CFAP97D2: variants seen among roughly 807,000 people sequenced by gnomAD.
CFAP97D2 encodes CFAP97 domain containing 2.
At chr13:114,221,555 T>G (rs2081022229) in intron 4 of CFAP97D2, among the ~76,000 whole-genome samples, 1 of 152,228 alleles carries the variant, frequency 6.6e-6, no homozygotes, top group Admixed American at 6.5e-5. Context: ...AGATGTCACT[T>G]GCAGCCACTA....
intron 4 of CFAP97D2, among the ~76,000 whole-genome samples, chr13:114,217,050 A>G (rs1477227838): frequency 6.6e-6 from 1 of 152,142 alleles, no homozygotes; most frequent in Non-Finnish European, 1.5e-5. Context: ...AGTGATGGTG[A>G]GCATTTTTTC....
chr13:114,205,413 G>A (rs981800046), intron 3 of CFAP97D2, among the ~76,000 whole-genome samples: 8 of 152,186 alleles, frequency 5.3e-5, no homozygotes, highest in African/African-American at 1.4e-4. Flanking sequence ...CTTATATTCT[G>A]CAACCTTGTT....
chr13:114,182,419 A>G (rs909790884), intron 1 of CFAP97D2, among the ~76,000 whole-genome samples: 10 of 151,954 alleles, frequency 6.6e-5, no homozygotes, highest in African/African-American at 1.9e-4. Context: ...GGCAGGAGAC[A>G]GTGGCCTTCC....
intron 4 of CFAP97D2, chr13:114,212,316 C>G: frequency 2.7e-6 from 1 of 374,164 alleles, no homozygotes; most frequent in Non-Finnish European, 4.7e-6. Context: ...CGCATTTGTT[C>G]ACGAAGTTGA....
chr13:114,190,992 C>T (rs1334291074), intron 1 of CFAP97D2, among the ~76,000 whole-genome samples: 1 of 152,166 alleles, frequency 6.6e-6, no homozygotes, highest in Non-Finnish European at 1.5e-5. Flanking sequence ...ACAGCCTTTT[C>T]ACAAATGGTG....
At position 114,179,598 on chromosome 13, in the gene CFAP97D2, A is replaced by T. The variant is rs1220285806; in HGVS notation, c.90+178A>T. ...TATGTTGCCATACAATAAAAATCTC[A>T]TTAAATAGTTGACGGCTTTCTTTCT... On this transcript the variant is annotated intron_variant, in intron 1 of 4. Transcript: ENST00000646158. This position sits in a 1 kb window ranked among gnomAD's most constrained non-coding sequence, Gnocchi z 4.8. 6.6e-6 allele frequency among the ~76,000 whole-genome samples: 1 copy of T among 151,860 alleles called. No homozygotes were observed. The highest frequency in any genetic ancestry group is 1.5e-5 in the Non-Finnish European group (1 of 67,976).
intron 1 of CFAP97D2, among the ~76,000 whole-genome samples, chr13:114,195,036 C>T (rs559237728): frequency 9.8e-5 from 15 of 152,302 alleles, no homozygotes; most frequent in African/African-American, 3.6e-4. Flanking sequence ...TCATGCCTTC[C>T]TTTCCCTTCA....
rs74116823 is a variant in CFAP97D2, at chr13:114,200,141, G to C, written c.172-184G>C. Reference sequence around the variant, plus strand: ...CGTAACAGGGCGTCCCCTCGCGTACGGTCCCTGCTGAGGCGTGACAGTGGG... The same window carrying C: ...CGTAACAGGGCGTCCCCTCGCGTACCGTCCCTGCTGAGGCGTGACAGTGGG... On this transcript the variant is annotated intron_variant, in intron 2 of 4. Transcript: ENST00000646158. Among the ~76,000 whole-genome samples the C allele has an allele frequency of 7.8e-3, 1,132 of 144,758 alleles. 12 individuals carry two copies. Among genetic ancestry groups the C allele is most frequent in the African/African-American group, 0.023 (836 of 36,956 alleles). The allele number at this position is 144,758 out of a possible 152,430, so 95.0% of individuals were successfully genotyped here. A position where few individuals can be genotyped will look rare whatever the true frequency, so the allele number is the denominator to read the frequency against.
rs2080861144 is a variant in CFAP97D2, at chr13:114,189,227, T to G, written c.91-7169T>G. Reference sequence around the variant, plus strand: ...ATGAACAAATTTATGCCCACAAATTTGATAACCTAAATGAAAAGGGCCAAT... The same window carrying G: ...ATGAACAAATTTATGCCCACAAATTGGATAACCTAAATGAAAAGGGCCAAT... On this transcript the variant is annotated intron_variant, in intron 1 of 4. Transcript: ENST00000646158. This position sits in a 1 kb window ranked among gnomAD's most constrained non-coding sequence, Gnocchi z 4.5. 6.6e-6 allele frequency among the ~76,000 whole-genome samples: 1 copy of G among 152,052 alleles called. No individual in the cohort carries two copies. Among genetic ancestry groups the G allele is most frequent in the Admixed American group, 6.6e-5 (1 of 15,240 alleles).
At chr13:114,213,375 C>T in intron 4 of CFAP97D2, among the ~76,000 whole-genome samples, 1 of 133,318 alleles carries the variant, frequency 7.5e-6, no homozygotes, top group East Asian at 2.4e-4. Flanking sequence ...CACCCCTGCA[C>T]AAGCTCTAGG....
chr13:114,194,587 C>T lies in CFAP97D2; in HGVS notation c.91-1809C>T, dbSNP rs530601018. Among the ~76,000 whole-genome samples, 4 of 152,184 alleles carry T rather than the reference C, an allele frequency of 2.6e-5. No homozygotes were observed. In the South Asian group the frequency reaches 8.3e-4, roughly 32 times the overall value. On this transcript the variant is annotated intron_variant, in intron 1 of 4. Transcript: ENST00000646158. ...ACTAATAAGCACTCTGTTGGGGGCA[C>T]TCATTTCCCCCCCAAGAGCATTCTT...
At chr13:114,218,235 GACAA>G (rs1439167446) in intron 4 of CFAP97D2, among the ~76,000 whole-genome samples, 5 of 152,170 alleles carry the variant, frequency 3.3e-5, no homozygotes, top group African/African-American at 4.8e-5. Flanking sequence ...ACCAATAGCA[GACAA>G]ACAGAGAGCC....
chr13:114,201,701 T>G (rs1461880545), intron 3 of CFAP97D2, among the ~76,000 whole-genome samples: 1 of 152,204 alleles, frequency 6.6e-6, no homozygotes, highest in Non-Finnish European at 1.5e-5. Context: ...TAATGCACAA[T>G]GCTGGAGAGA....
At position 114,211,520 on chromosome 13, in the gene CFAP97D2, C is replaced by T. The variant is rs2080966367; in HGVS notation, c.291-392C>T. Among the ~76,000 whole-genome samples, 1 of 152,078 alleles carries T rather than the reference C, an allele frequency of 6.6e-6. No homozygotes were observed. The highest frequency in any genetic ancestry group is 1.5e-5 in the Non-Finnish European group (1 of 68,016). On this transcript the variant is annotated intron_variant, in intron 3 of 4. Transcript: ENST00000646158. The surrounding 1 kb of genome is among the most constrained non-coding windows in gnomAD (Gnocchi z 4.2). Reference sequence around the variant, plus strand: ...GGTGCTTGCCCTCCCCGCCTGGGACCCTGCTCTCCGCCATGGGTGCCCGGG... The same window carrying T: ...GGTGCTTGCCCTCCCCGCCTGGGACTCTGCTCTCCGCCATGGGTGCCCGGG...
chr13:114,204,183 C>T (rs550239785), intron 3 of CFAP97D2, among the ~76,000 whole-genome samples: 1 of 152,260 alleles, frequency 6.6e-6, no homozygotes, highest in East Asian at 1.9e-4. Context: ...TATGAGGAGA[C>T]CAAGGCTTGC....
chr13:114,179,439 C>T lies in CFAP97D2; in HGVS notation c.90+19C>T. ...GAGAAAGGTAGGAAAGTCCCCAATC[C>T]AGCCCTGACAGCTCAGCGGGCGGGC... On this transcript the variant is annotated intron_variant, in intron 1 of 4. Transcript: ENST00000646158. The surrounding 1 kb of genome is among the most constrained non-coding windows in gnomAD (Gnocchi z 4.8). The T allele has an allele frequency of 2.5e-6, 1 of 398,628 alleles. No homozygotes were observed. Among genetic ancestry groups the T allele is most frequent in the East Asian group, 3.6e-5 (1 of 28,080 alleles). 24.7% of individuals were successfully genotyped at this position (398,628 alleles called of 1,614,324 possible).
intron 1 of CFAP97D2, among the ~76,000 whole-genome samples, chr13:114,188,613 T>C (rs542246582): frequency 1.3e-5 from 2 of 151,614 alleles, no homozygotes; most frequent in South Asian, 4.2e-4. Context: ...CCGTCTCCAC[T>C]AAACATACAA....
At chr13:114,181,993 A>T (rs56156154) in intron 1 of CFAP97D2, among the ~76,000 whole-genome samples, 6 of 152,266 alleles carry the variant, frequency 3.9e-5, no homozygotes, top group Admixed American at 1.3e-4. Context: ...TAAGACACAG[A>T]GACAAAGTAT....
Position 114,185,778 on chromosome 13 carries a change from A to C in CFAP97D2, c.90+6358A>C, listed in dbSNP as rs1223800061. 6.6e-6 allele frequency among the ~76,000 whole-genome samples: 1 copy of C among 152,238 alleles called. No individual in the cohort carries two copies. The highest frequency in any genetic ancestry group is 2.4e-5 in the African/African-American group (1 of 41,456). ...ACCTCAGCCCCCTCCAGATTTGGGC[A>C]CTGACAAGCACAGGAGGGAGGCTGA... On this transcript the variant is annotated intron_variant, in intron 1 of 4. Coordinates refer to ENST00000646158, the Ensembl canonical transcript of CFAP97D2. This position sits in a 1 kb window ranked among gnomAD's most constrained non-coding sequence, Gnocchi z 5.2.
Sources: gnomAD v4.1 joint callset for allele counts (sites outside exome capture counted in the v4.1 genomes callset) on GRCh38, gnomAD v4.1.1 for gene constraint, Gnocchi (gnomAD v3.1) non-coding constraint, MANE v1.5 for transcripts, NCBI Gene and HGNC (gene_info 2026-07-23, HGNC 2026-07-21) for gene names.